Variants in STXBP4 observed in about 807,000 individuals in gnomAD.
STXBP4 encodes the protein syntaxin-binding protein 4.
In STXBP4, 55 loss-of-function variants were observed where a neutral mutation model predicts 76.1. The observed-to-expected ratio is 0.72, with a 90% CI of 0.58 to 0.91. The LOEUF (loss-of-function observed/expected upper bound fraction) is 0.91. STXBP4 is among the 40% of genes least tolerant of loss of function. STXBP4 has a pLI of 0.00. For synonymous variants in STXBP4, 201 were observed against 220.2 expected (o/e 0.91, Z 0.77); for missense variants, 618 against 636.9 (o/e 0.97, Z 0.32).
At position 55,056,887 on chromosome 17, in the gene STXBP4, A is replaced by G. The variant is rs118184466; in HGVS notation, c.1011+9733A>G. On this transcript the variant is annotated intron_variant, in intron 12 of 17. Transcript: ENST00000376352. ...ATTCAAGGAGTATTACAAATAACAAAAGCAACTCTAAATTTAGCAGTATGA... is the reference window on the plus strand; with the variant it reads ...ATTCAAGGAGTATTACAAATAACAAGAGCAACTCTAAATTTAGCAGTATGA... Among the ~76,000 whole-genome samples, 811 of 152,280 alleles carry G rather than the reference A, an allele frequency of 5.3e-3. 4 individuals carry two copies. The highest frequency in any genetic ancestry group is 9.2e-3 in the Non-Finnish European group (624 of 68,026).
At chr17:55,115,176 C>T (rs2079766989) in intron 16 of STXBP4, among the ~76,000 whole-genome samples, 3 of 151,760 alleles carry the variant, frequency 2.0e-5, no homozygotes, top group Non-Finnish European at 1.5e-5. Flanking sequence ...GGCGAATTGA[C>T]ATTAACTGAA....
chr17:55,069,089 T>C (rs182405667), intron 12 of STXBP4, among the ~76,000 whole-genome samples: 1 of 149,846 alleles, frequency 6.7e-6, no homozygotes, highest in East Asian at 2.0e-4. Context: ...TATGTAATCG[T>C]GAGGCAGAAA....
At chr17:55,185,322 T>G in the STXBP4 span, among the ~76,000 whole-genome samples, 6 of 142,398 alleles carry the variant, frequency 4.2e-5, no homozygotes, top group Admixed American at 2.1e-4. Context: ...CTTCTCCTTC[T>G]CCTTCTCCTC....
chr17:55,182,732 T>G, the STXBP4 span, among the ~76,000 whole-genome samples: 2 of 151,820 alleles, frequency 1.3e-5, no homozygotes, highest in Non-Finnish European at 2.9e-5. Flanking sequence ...AAAGACCACT[T>G]ACCATGTCAA....
chr17:55,070,316 A>G (rs773392571), intron 12 of STXBP4, among the ~76,000 whole-genome samples: 1 of 151,314 alleles, frequency 6.6e-6, no homozygotes, highest in Non-Finnish European at 1.5e-5. Context: ...GCTGGCACAT[A>G]GTTAGCCATT....
chr17:55,175,972 A>C (rs2080428713), downstream of STXBP4, among the ~76,000 whole-genome samples: 1 of 152,208 alleles, frequency 6.6e-6, no homozygotes, highest in Admixed American at 6.5e-5. Context: ...CACAGATGGA[A>C]CTGAGAGGCA....
At chr17:55,021,170 C>A (rs1480021121) in intron 8 of STXBP4, among the ~76,000 whole-genome samples, 1 of 152,010 alleles carries the variant, frequency 6.6e-6, no homozygotes, top group Admixed American at 6.6e-5. Context: ...AATCCTCCTC[C>A]CTGCATTAGG....
chr17:55,056,395 T>C (rs2078923436), intron 12 of STXBP4, among the ~76,000 whole-genome samples: 1 of 152,200 alleles, frequency 6.6e-6, no homozygotes, highest in East Asian at 1.9e-4. Context: ...AAATTTACAG[T>C]TGAAAAAGTA....
At chr17:55,193,942 C>T in the STXBP4 span, among the ~76,000 whole-genome samples, 1 of 151,936 alleles carries the variant, frequency 6.6e-6, no homozygotes, top group African/African-American at 2.4e-5. Context: ...GTAATCATCT[C>T]AGTTAGAGAA....
At chr17:55,007,631 A>G (rs761073672) in intron 8 of STXBP4, 34 bp downstream of exon 8, 25 of 1,508,472 alleles carry the variant, frequency 1.7e-5, no homozygotes, top group Middle Eastern at 1.7e-4. Flanking sequence ...TTCTTCCATA[A>G]GACAAAAACA....
intron 3 of STXBP4, among the ~76,000 whole-genome samples, chr17:54,988,988 T>A (rs950206700): frequency 3.9e-5 from 6 of 152,238 alleles, no homozygotes; most frequent in Non-Finnish European, 7.3e-5. Context: ...TTTAAAAAAA[T>A]TTCTTCTTTT....
the STXBP4 span, among the ~76,000 whole-genome samples, chr17:55,184,286 A>G: frequency 6.6e-6 from 1 of 152,354 alleles, no homozygotes; most frequent in South Asian, 2.1e-4. Context: ...TATTATTTAT[A>G]ACCAGAAGAG....
At chr17:55,158,464 A>G (rs2080304756) in intron 17 of STXBP4, among the ~76,000 whole-genome samples, 1 of 152,156 alleles carries the variant, frequency 6.6e-6, no homozygotes, top group Admixed American at 6.5e-5. Flanking sequence ...CCAGGGCTAG[A>G]AAGAGTGTCC....
chr17:55,185,263 CCTTCTCCTTCTCCTTCTCCTTCTCCTT>C, the STXBP4 span, among the ~76,000 whole-genome samples: 1 of 51,464 alleles, frequency 1.9e-5, no homozygotes, highest in African/African-American at 8.4e-5. Flanking sequence ...TTCTCCTTCT[CCTTCTCCTTCTCCTTCTCCTTCTCCTT>C]CTCCTTCTCC....
intron 16 of STXBP4, among the ~76,000 whole-genome samples, chr17:55,108,532 G>A (rs973060777): frequency 2.6e-5 from 4 of 152,190 alleles, no homozygotes; most frequent in Non-Finnish European, 5.9e-5. Context: ...CTGGACCCTC[G>A]TGATGTAGGC....
rs928718368 is a variant in STXBP4 at position 55,031,051 on chromosome 17, A to T, written c.667-117A>T. The T allele has an allele frequency of 1.4e-5, 10 of 720,490 alleles. No individual in the cohort carries two copies. In the African/African-American group the frequency reaches 1.4e-4, roughly 10 times the overall value. The allele number at this position is 720,490 out of a possible 1,614,324, so 44.6% of individuals were successfully genotyped here. A position where few individuals can be genotyped will look rare whatever the true frequency, so the allele number is the denominator to read the frequency against. ...AGAGCTGACTTCCCTTGGGTGTTTA[A>T]TCCTGGTCGACTGTTTCTGGTATTG... On this transcript the variant is annotated intron_variant, in intron 8 of 17. Transcript: ENST00000376352.
chr17:55,179,916 T>G, the STXBP4 span, among the ~76,000 whole-genome samples: 1 of 152,148 alleles, frequency 6.6e-6, no homozygotes, highest in South Asian at 2.1e-4. Context: ...AACACTAGCA[T>G]CATTCAAGGG....
At chr17:55,048,752 A>G (rs994877090) in intron 12 of STXBP4, among the ~76,000 whole-genome samples, 3 of 151,950 alleles carry the variant, frequency 2.0e-5, no homozygotes, top group Admixed American at 2.0e-4. Flanking sequence ...GTGAAAAGGC[A>G]ATGAAGAAAA....
At chr17:54,980,938 T>C (rs1334622830) in intron 1 of STXBP4, among the ~76,000 whole-genome samples, 1 of 141,148 alleles carries the variant, frequency 7.1e-6, no homozygotes, top group East Asian at 2.0e-4. Context: ...TTTTTGCGTT[T>C]TTTTTTTGTT....
Sources: gnomAD v4.1 joint callset for allele counts (sites outside exome capture counted in the v4.1 genomes callset) on GRCh38, gnomAD v4.1.1 for gene constraint, MANE v1.5 for transcripts, NCBI Gene and HGNC (gene_info 2026-07-23, HGNC 2026-07-21) for gene names.